Variants in ELOVL2 observed in about 807,000 individuals in gnomAD.
The protein encoded by ELOVL2 is ELOVL fatty acid elongase 2.
ELOVL2 carries 38 observed loss-of-function variants against 37.7 expected under a neutral mutation model. The observed-to-expected ratio is 1.01, with a 90% CI of 0.78 to 1.32. The LOEUF is 1.32. Among genes scored for constraint, ELOVL2 ranks in the 40% most tolerant of loss-of-function variants. The pLI, the probability that ELOVL2 is intolerant of heterozygous loss-of-function variation, is 0.00. For synonymous variants in ELOVL2, 115 were observed against 122.3 expected, an observed-to-expected ratio of 0.94 and a Z score of 0.40; for missense variants, 352 against 363.6, an observed-to-expected ratio of 0.97 and a Z score of 0.26.
At chr6:11,038,665 A>C (rs1411236792) in intron 1 of ELOVL2, among the ~76,000 whole-genome samples, 1 of 152,208 alleles carries the variant, frequency 6.6e-6, no homozygotes, top group African/African-American at 2.4e-5. Flanking sequence ...TTATGATGAA[A>C]TATGGATTAA....
chr6:11,007,143 G>T (rs961104834), intron 2 of ELOVL2, among the ~76,000 whole-genome samples: 10 of 152,128 alleles, frequency 6.6e-5, no homozygotes, highest in African/African-American at 2.4e-4. Context: ...AAGAAAAATT[G>T]AGCTGTAGAG....
chr6:10,983,474 T>C lies in ELOVL2; in HGVS notation c.*307A>G, dbSNP rs971531479. On this transcript the variant is annotated 3_prime_UTR_variant, in exon 8 of 8. Coordinates refer to ENST00000354666, the MANE Select transcript of ELOVL2 (RefSeq NM_017770.4). ...GTGAGAAACAATGCTCCACGTTTCC[T>C]GGCTGTGTATGCGTATAAGGCGTTA... is the stretch of plus-strand genomic sequence containing the variant. 2.0e-5 allele frequency: 4 copies of C among 201,542 alleles called. No homozygotes were observed. The highest frequency in any genetic ancestry group is 9.2e-5 in the African/African-American group (4 of 43,296). 12.5% of individuals were successfully genotyped at this position (201,542 alleles called of 1,614,324 possible).
Position 10,982,432 on chromosome 6 carries a change from G to A in ELOVL2, c.*1349C>T, listed in dbSNP as rs891752843. 4.6e-5 allele frequency: 7 copies of A among 152,086 alleles called. No individual in the cohort carries two copies. Among genetic ancestry groups the A allele is most frequent in the Non-Finnish European group, 7.4e-5 (5 of 68,022 alleles). The allele number at this position is 152,086 out of a possible 1,614,324, so 9.4% of individuals were successfully genotyped here. ...AAAAAAATAAGGCAGGAGAGAAGATGAAGTGACTTCATCGAAGCTAACAAG... is the reference window on the plus strand; with the variant it reads ...AAAAAAATAAGGCAGGAGAGAAGATAAAGTGACTTCATCGAAGCTAACAAG... On this transcript the variant is annotated 3_prime_UTR_variant, in exon 8 of 8. Transcript: ENST00000354666.
At chr6:11,016,115 T>C (rs1270209840) in intron 1 of ELOVL2, among the ~76,000 whole-genome samples, 1 of 152,066 alleles carries the variant, frequency 6.6e-6, no homozygotes. Flanking sequence ...TTCCTTTCTT[T>C]CTTCTCTTCC....
intron 1 of ELOVL2, among the ~76,000 whole-genome samples, chr6:11,028,121 CTCT>C (rs1782865754): frequency 6.6e-6 from 1 of 152,176 alleles, no homozygotes; most frequent in South Asian, 2.1e-4. Flanking sequence ...ACATGGGTTT[CTCT>C]TCTTTTCCAT....
At chr6:10,983,942 A>G (rs1363273457) in intron 7 of ELOVL2, 36 bp from the exon 8 acceptor site, 1 of 1,565,702 alleles carries the variant, frequency 6.4e-7, no homozygotes, top group East Asian at 2.2e-5. Flanking sequence ...GAAAAATAAA[A>G]AGGTTATTTA....
intron 1 of ELOVL2, among the ~76,000 whole-genome samples, chr6:11,030,794 T>C (rs1782919006): frequency 6.6e-6 from 1 of 152,100 alleles, no homozygotes; most frequent in Admixed American, 6.6e-5. Flanking sequence ...GCCCGGCCAT[T>C]CAAATCTTTT....
chr6:11,043,568 T>G (rs531233093), intron 1 of ELOVL2: 2 of 152,278 alleles, frequency 1.3e-5, no homozygotes, highest in South Asian at 4.2e-4. Context: ...AGAGGAGTTG[T>G]CGGAAAGAAC....
chr6:10,988,163 G>C (rs1393152730), intron 7 of ELOVL2, among the ~76,000 whole-genome samples: 3 of 152,184 alleles, frequency 2.0e-5, no homozygotes, highest in Non-Finnish European at 4.4e-5. Context: ...TATTTCTTTG[G>C]AAATCTTCAA....
intron 5 of ELOVL2, among the ~76,000 whole-genome samples, chr6:10,991,223 T>C (rs1782152761): frequency 6.6e-6 from 1 of 152,234 alleles, no homozygotes; most frequent in South Asian, 2.1e-4. Flanking sequence ...ATGCCACAGA[T>C]GCATCACTTG....
intron 1 of ELOVL2, among the ~76,000 whole-genome samples, chr6:11,018,349 T>C (rs1782715749): frequency 6.6e-6 from 1 of 152,214 alleles, no homozygotes; most frequent in Non-Finnish European, 1.5e-5. Flanking sequence ...ATACTGGTAT[T>C]GCCTAGAAGG....
Position 11,009,249 on chromosome 6 carries a change from C to T in ELOVL2, c.67+1497G>A, listed in dbSNP as rs544996287. 7.2e-5 allele frequency among the ~76,000 whole-genome samples: 11 copies of T among 152,250 alleles called. No individual in the cohort carries two copies. In the South Asian group the frequency reaches 2.3e-3, roughly 32 times the overall value. Reference sequence around the variant, plus strand: ...GGACCACAGCAGACCCCTCTGGATGCCTGAGCCTGCAGATACTCCCAAACC... The same window carrying T: ...GGACCACAGCAGACCCCTCTGGATGTCTGAGCCTGCAGATACTCCCAAACC... On this transcript the variant is annotated intron_variant, in intron 2 of 7. Transcript: ENST00000354666.
intron 1 of ELOVL2, among the ~76,000 whole-genome samples, chr6:11,038,650 A>G (rs1783052951): frequency 6.6e-6 from 1 of 152,206 alleles, no homozygotes; most frequent in Admixed American, 6.5e-5. Flanking sequence ...AATTTCATTA[A>G]AAACTTATGA....
intron 1 of ELOVL2, among the ~76,000 whole-genome samples, chr6:11,024,513 T>C (rs2113546205): frequency 1.3e-5 from 2 of 152,376 alleles, no homozygotes; most frequent in Middle Eastern, 3.4e-3. Context: ...TATGTACATG[T>C]ATTCTCTAAG....
chr6:11,028,002 G>A lies in ELOVL2; in HGVS notation c.3+16226C>T, dbSNP rs574924324. On this transcript the variant is annotated intron_variant, in intron 1 of 7. Coordinates refer to ENST00000354666, the MANE Select transcript of ELOVL2 (RefSeq NM_017770.4). ...TATTATCTTTCTTACTCTGAACATCGTATTTCTCTTGGTATACCCAATTCC... is the reference window on the plus strand; with the variant it reads ...TATTATCTTTCTTACTCTGAACATCATATTTCTCTTGGTATACCCAATTCC... Among the ~76,000 whole-genome samples the A allele has an allele frequency of 2.6e-5, 4 of 152,092 alleles. No individual in the cohort carries two copies. The East Asian group carries it at 5.8e-4, about 22-fold the overall frequency.
intron 1 of ELOVL2, among the ~76,000 whole-genome samples, chr6:11,028,512 T>C (rs916147492): frequency 3.3e-5 from 5 of 152,178 alleles, no homozygotes; most frequent in African/African-American, 7.2e-5. Context: ...TTTTTACCTA[T>C]TGATTGGTTT....
At chr6:10,988,289 GT>G (rs1782085131) in intron 7 of ELOVL2, among the ~76,000 whole-genome samples, 1 of 152,276 alleles carries the variant, frequency 6.6e-6, no homozygotes, top group Non-Finnish European at 1.5e-5. Flanking sequence ...ATGGGGATGT[GT>G]GTGGTGGTTC....
intron 1 of ELOVL2, among the ~76,000 whole-genome samples, chr6:11,031,230 A>C (rs538148913): frequency 6.6e-6 from 1 of 152,282 alleles, no homozygotes; most frequent in African/African-American, 2.4e-5. Context: ...TTTTTCTGCT[A>C]TTACAAAAAA....
At chr6:10,996,903 G>C (rs995357158) in intron 4 of ELOVL2, among the ~76,000 whole-genome samples, 1 of 151,276 alleles carries the variant, frequency 6.6e-6, no homozygotes, top group South Asian at 2.1e-4. Flanking sequence ...CTAGCTAATC[G>C]GGAGGCTGAG....
Sources: gnomAD v4.1 joint callset for allele counts (sites outside exome capture counted in the v4.1 genomes callset) on GRCh38, gnomAD v4.1.1 for gene constraint, MANE v1.5 for transcripts, NCBI Gene and HGNC (gene_info 2026-07-23, HGNC 2026-07-21) for gene names.